Variants in CDH13 observed in about 807,000 individuals in gnomAD.
CDH13 encodes the protein cadherin 13, also known as cadherin-13.
A neutral mutation model predicts 63.8 loss-of-function variants in CDH13; 24 were observed. The observed-to-expected ratio is 0.38, with a 90% CI of 0.27 to 0.53. CDH13 has a LOEUF of 0.53. CDH13 is among the 20% of genes least tolerant of loss of function. The pLI is 0.85. For synonymous variants in CDH13, 503 were observed against 355.3 expected (o/e 1.42, Z -4.67); for missense variants, 1,049 against 903.1 (o/e 1.16, Z -2.07).
At chr16:83,661,000 A>C (rs1364111) in intron 8 of CDH13, among the ~76,000 whole-genome samples, 50,363 of 151,554 alleles carry the variant, frequency 0.33, 8,867 homozygotes, top group East Asian at 0.5. Context: ...ATATTTATTT[A>C]ATCATTCCCC....
At chr16:82,999,418 G>A (rs1912615842) in intron 2 of CDH13, among the ~76,000 whole-genome samples, 2 of 151,962 alleles carry the variant, frequency 1.3e-5, no homozygotes, top group Admixed American at 1.3e-4. Flanking sequence ...TCTCTTAACA[G>A]GGAAGAAATA....
At chr16:83,586,366 C>A (rs1295920585) in intron 7 of CDH13, among the ~76,000 whole-genome samples, 1 of 152,036 alleles carries the variant, frequency 6.6e-6, no homozygotes, top group Non-Finnish European at 1.5e-5. Flanking sequence ...GGAGGAGGGG[C>A]GGAGGAAAGG....
chr16:83,570,871 T>C (rs1266340296), intron 7 of CDH13, among the ~76,000 whole-genome samples: 1 of 140,218 alleles, frequency 7.1e-6, no homozygotes, highest in African/African-American at 2.6e-5. Flanking sequence ...TATATTTATA[T>C]ATTTATATTT....
chr16:83,400,588 A>G (rs945225442), intron 6 of CDH13, among the ~76,000 whole-genome samples: 1 of 152,214 alleles, frequency 6.6e-6, no homozygotes, highest in African/African-American at 2.4e-5. Flanking sequence ...CATTGAAAGT[A>G]ATGTCAGTTA....
intron 11 of CDH13, among the ~76,000 whole-genome samples, chr16:83,763,964 A>G (rs547369736): frequency 7.9e-5 from 12 of 152,270 alleles, no homozygotes; most frequent in African/African-American, 2.9e-4. Flanking sequence ...CTGTGCAATG[A>G]TAGCCGAGAG....
intron 7 of CDH13, among the ~76,000 whole-genome samples, chr16:83,574,767 A>G (rs1475928450): frequency 6.6e-6 from 1 of 152,142 alleles, no homozygotes; most frequent in Non-Finnish European, 1.5e-5. Context: ...ACAACTTTCT[A>G]TGAAACAAGA....
chr16:82,813,262 T>C (rs1238943186), intron 1 of CDH13, among the ~76,000 whole-genome samples: 1 of 152,090 alleles, frequency 6.6e-6, no homozygotes, highest in East Asian at 1.9e-4. Flanking sequence ...AAGGGTGTCA[T>C]CCTTGGGGAA....
intron 1 of CDH13, chr16:82,829,289 T>A (rs542268745): frequency 2.6e-4 from 40 of 152,178 alleles, no homozygotes; most frequent in Non-Finnish European, 5.1e-4. Context: ...TGGATCACAT[T>A]AAGGGAGCGT....
chr16:83,010,486 C>G (rs965465824), intron 2 of CDH13, among the ~76,000 whole-genome samples: 9 of 152,078 alleles, frequency 5.9e-5, no homozygotes, highest in African/African-American at 1.9e-4. Flanking sequence ...CTCTCACTTT[C>G]TCCTGATTTA....
intron 8 of CDH13, among the ~76,000 whole-genome samples, 182 bp from the exon 9 acceptor site, chr16:83,670,608 G>A (rs903739873): frequency 3.9e-5 from 6 of 152,282 alleles, no homozygotes; most frequent in South Asian, 2.1e-4. Flanking sequence ...AGTTAGTCTC[G>A]TGGCCTCACC....
chr16:82,830,301 A>G (rs959809621), intron 1 of CDH13, among the ~76,000 whole-genome samples: 3 of 152,212 alleles, frequency 2.0e-5, no homozygotes, highest in African/African-American at 7.2e-5. Flanking sequence ...TGCAAGTACT[A>G]TTAGAGGTAC....
At chr16:83,400,096 T>G (rs1191420704) in intron 6 of CDH13, among the ~76,000 whole-genome samples, 1 of 152,052 alleles carries the variant, frequency 6.6e-6, no homozygotes, top group East Asian at 1.9e-4. Flanking sequence ...GGAAGGAGCA[T>G]GCTGAGGCCT....
intron 3 of CDH13, among the ~76,000 whole-genome samples, chr16:83,101,609 C>T (rs1193363637): frequency 6.6e-6 from 1 of 152,106 alleles, no homozygotes; most frequent in Non-Finnish European, 1.5e-5. Context: ...GCCTGGCTAA[C>T]ATGGCCAAAC....
At chr16:82,707,399 C>T (rs768048525) in intron 1 of CDH13, among the ~76,000 whole-genome samples, 4 of 152,134 alleles carry the variant, frequency 2.6e-5, no homozygotes, top group Non-Finnish European at 5.9e-5. Context: ...TGAGAATGAG[C>T]AGGGGTATAA....
intron 2 of CDH13, among the ~76,000 whole-genome samples, chr16:82,921,084 A>C (rs1175450399): frequency 6.6e-6 from 1 of 152,160 alleles, no homozygotes; most frequent in Non-Finnish European, 1.5e-5. Context: ...AATAAAGCCT[A>C]GTTGGTTATT....
In CDH13 at chr16:82,719,681, A is replaced by C. The variant is rs2032632053; in HGVS notation, c.45+92544A>C. Among the ~76,000 whole-genome samples, 3 of 152,112 alleles carry C rather than the reference A, an allele frequency of 2.0e-5. No homozygotes were observed. The South Asian group carries it at 6.2e-4, about 32-fold the overall frequency. ...GCCAAGGTGGTGAAACCCCGTCTCT[A>C]CTGAAAATACAAAATTTATCTGGGT... On this transcript the variant is annotated intron_variant, in intron 1 of 13. Coordinates refer to ENST00000567109, the MANE Select transcript of CDH13 (RefSeq NM_001257.5).
chr16:83,527,462 T>A (rs1330892983), intron 7 of CDH13, among the ~76,000 whole-genome samples: 4 of 151,234 alleles, frequency 2.6e-5, no homozygotes, highest in Non-Finnish European at 1.5e-5. Context: ...AAAAAAAAAA[T>A]TAAAAATTAA....
At chr16:83,290,735 G>T (rs1337314555) in intron 5 of CDH13, among the ~76,000 whole-genome samples, 4 of 152,140 alleles carry the variant, frequency 2.6e-5, no homozygotes, top group African/African-American at 9.7e-5. Flanking sequence ...CCTGTGTTCA[G>T]GGCCTTTCTC....
intron 2 of CDH13, among the ~76,000 whole-genome samples, chr16:82,882,783 A>C (rs2040751990): frequency 6.6e-6 from 1 of 152,136 alleles, no homozygotes; most frequent in Non-Finnish European, 1.5e-5. Context: ...ACGCTTGGTA[A>C]GATTTTTACC....
Sources: gnomAD v4.1 joint callset for allele counts (sites outside exome capture counted in the v4.1 genomes callset) on GRCh38, gnomAD v4.1.1 for gene constraint, MANE v1.5 for transcripts, NCBI Gene and HGNC (gene_info 2026-07-23, HGNC 2026-07-21) for gene names.